The following KCNMB2 variants were observed in gnomAD, a reference collection of about 807,000 sequenced individuals.
KCNMB2 encodes the protein potassium calcium-activated channel subfamily M regulatory beta subunit 2.
KCNMB2 carries 9 observed loss-of-function variants against 24.5 expected under a neutral mutation model. The observed-to-expected ratio is 0.37, with a 90% CI of 0.22 to 0.64. The LOEUF (loss-of-function observed/expected upper bound fraction) is 0.64. Ranked by LOEUF, KCNMB2 falls within the 30% of genes least tolerant of loss-of-function variation. The pLI is 0.63. For missense variants in KCNMB2, 226 were observed against 284.3 expected (o/e 0.79, Z 1.47); for synonymous variants, 109 against 104.4 (o/e 1.04, Z -0.27).
chr3:178,658,016 C>T (rs761566521), intron 1 of KCNMB2, among the ~76,000 whole-genome samples: 18 of 152,322 alleles, frequency 1.2e-4, no homozygotes, highest in Non-Finnish European at 2.4e-4. Flanking sequence ...TGGGGACAAA[C>T]CATCTTTTAA....
At chr3:178,570,515 C>CTTTTTTTTTTTT (rs200106452) in intron 1 of KCNMB2, among the ~76,000 whole-genome samples, 22 of 114,586 alleles carry the variant, frequency 1.9e-4, no homozygotes, top group African/African-American at 6.1e-4. Flanking sequence ...GTAATGATAC[C>CTTTTTTTTTTTT]TTTTTTTTTT....
At chr3:178,719,491 A>G (rs964324044) in intron 1 of KCNMB2, among the ~76,000 whole-genome samples, 2 of 152,210 alleles carry the variant, frequency 1.3e-5, no homozygotes. Flanking sequence ...CTGTTATCAG[A>G]AGGCAGTGGG....
chr3:178,743,108 A>G (rs1723548577), intron 1 of KCNMB2, among the ~76,000 whole-genome samples: 1 of 152,178 alleles, frequency 6.6e-6, no homozygotes, highest in Non-Finnish European at 1.5e-5. Flanking sequence ...TGTGGCCTCC[A>G]TAGCAGTGTA....
At chr3:178,678,784 G>A (rs899976082) in intron 1 of KCNMB2, among the ~76,000 whole-genome samples, 1 of 152,186 alleles carries the variant, frequency 6.6e-6, no homozygotes, top group Admixed American at 6.5e-5. Flanking sequence ...AGAATAACGT[G>A]GGGAGCATGT....
intron 1 of KCNMB2, among the ~76,000 whole-genome samples, chr3:178,630,286 C>T (rs1227102899): frequency 3.3e-5 from 5 of 152,326 alleles, no homozygotes; most frequent in African/African-American, 1.2e-4. Context: ...CTAGAACCTA[C>T]TGACAAATAA....
At chr3:178,711,414 A>G (rs149853478) in intron 1 of KCNMB2, among the ~76,000 whole-genome samples, 3 of 152,274 alleles carry the variant, frequency 2.0e-5, no homozygotes, top group African/African-American at 7.2e-5. Flanking sequence ...AACTTCTACC[A>G]TACCCATCAC....
chr3:178,628,526 C>A (rs946870722), intron 1 of KCNMB2, among the ~76,000 whole-genome samples: 1 of 152,086 alleles, frequency 6.6e-6, no homozygotes, highest in Non-Finnish European at 1.5e-5. Flanking sequence ...TGTGATCTAG[C>A]AATATTTTCA....
chr3:178,810,010 G>C (rs960006657), intron 2 of KCNMB2, among the ~76,000 whole-genome samples: 1 of 149,504 alleles, frequency 6.7e-6, no homozygotes, highest in South Asian at 2.1e-4. Context: ...AAGTTAATTT[G>C]TCTGTGCTTT....
intron 1 of KCNMB2, among the ~76,000 whole-genome samples, chr3:178,769,161 G>C (rs1408233092): frequency 6.6e-6 from 1 of 152,086 alleles, no homozygotes; most frequent in Non-Finnish European, 1.5e-5. Context: ...TTTCACTCAT[G>C]GTGTGTATGG....
chr3:178,629,159 C>G (rs1719223897), intron 1 of KCNMB2, among the ~76,000 whole-genome samples: 1 of 152,188 alleles, frequency 6.6e-6, no homozygotes, highest in African/African-American at 2.4e-5. Context: ...TATTCTTTCA[C>G]TCCTTCCTGC....
At position 178,807,123 on chromosome 3, in the gene KCNMB2, C is replaced by A. The variant is rs148311226; in HGVS notation, c.-67-220C>A. Among the ~76,000 whole-genome samples, 22 of 152,260 alleles carry A rather than the reference C, an allele frequency of 1.4e-4. 1 individual carries two copies. The South Asian group carries it at 4.4e-3, about 30-fold the overall frequency. On this transcript the variant is annotated intron_variant, in intron 1 of 4. Coordinates refer to ENST00000452583, the MANE Select transcript of KCNMB2 (RefSeq NM_181361.3). ...CTAAGGCAGTAATTCTCAATCCCGG[C>A]AGTATGTTACAATCAGCTAAGGAAG...
rs376531970 is a variant in KCNMB2 at position 178,757,840 on chromosome 3, G to GATATATAT, written c.-67-49500_-67-49493dup. On this transcript the variant is annotated intron_variant, in intron 1 of 4. Coordinates refer to ENST00000452583, the MANE Select transcript of KCNMB2 (RefSeq NM_181361.3). Reference sequence around the variant, plus strand: ...ATATATATACACATCCATCCAAGAGGATATATATATCCAAGAGGATACATA... The same window carrying GATATATAT: ...ATATATATACACATCCATCCAAGAGGATATATATATATATATATCCAAGAGGATACATA... Among the ~76,000 whole-genome samples, 67 of 13,966 alleles carry GATATATAT rather than the reference G, an allele frequency of 4.8e-3. 8 individuals are homozygous for GATATATAT. The highest frequency in any genetic ancestry group is 0.045 in the African/African-American group (63 of 1,404). The allele number at this position is 13,966 out of a possible 152,430, so 9.2% of individuals were successfully genotyped here.
At chr3:178,776,583 C>CGAAA (rs1356023682) in intron 1 of KCNMB2, among the ~76,000 whole-genome samples, 2 of 152,098 alleles carry the variant, frequency 1.3e-5, no homozygotes, top group African/African-American at 2.4e-5. Context: ...ACACCATCAC[C>CGAAA]TTTCAAGATA....
intron 2 of KCNMB2, among the ~76,000 whole-genome samples, chr3:178,810,370 T>G (rs1263224386): frequency 6.6e-6 from 1 of 152,182 alleles, no homozygotes; most frequent in African/African-American, 2.4e-5. Flanking sequence ...AATCCTCAGC[T>G]GCTCTCCACA....
intron 1 of KCNMB2, among the ~76,000 whole-genome samples, chr3:178,708,924 G>C (rs80030460): frequency 3.9e-5 from 6 of 152,178 alleles, no homozygotes; most frequent in African/African-American, 1.4e-4. Flanking sequence ...ATGAATGAGC[G>C]AATGAATAAA....
intron 1 of KCNMB2, among the ~76,000 whole-genome samples, chr3:178,771,857 G>A (rs776409212): frequency 7.2e-5 from 11 of 151,974 alleles, no homozygotes; most frequent in Non-Finnish European, 1.6e-4. Flanking sequence ...CTCATGGACA[G>A]ATTCCTTATC....
At chr3:178,591,083 T>C (rs1717652913) in intron 1 of KCNMB2, among the ~76,000 whole-genome samples, 1 of 152,178 alleles carries the variant, frequency 6.6e-6, no homozygotes. Context: ...TGGTGTAATC[T>C]GCAACGGAGA....
At chr3:178,574,607 C>T (rs1325862463) in intron 1 of KCNMB2, among the ~76,000 whole-genome samples, 2 of 152,186 alleles carry the variant, frequency 1.3e-5, no homozygotes, top group Admixed American at 1.3e-4. Flanking sequence ...CCCTGTCTAA[C>T]TTAAGGATCG....
chr3:178,714,433 T>C (rs1262026647), intron 1 of KCNMB2, among the ~76,000 whole-genome samples: 1 of 152,140 alleles, frequency 6.6e-6, no homozygotes, highest in Non-Finnish European at 1.5e-5. Context: ...TCCTGAGACA[T>C]CTGGGAAGCT....
Sources: allele counts gnomAD v4.1 joint callset (sites outside exome capture counted in the v4.1 genomes callset), GRCh38; gene constraint gnomAD v4.1.1; transcripts MANE v1.5; gene names NCBI Gene and HGNC (gene_info 2026-07-23, HGNC 2026-07-21).